AMZ1: variants seen among roughly 807,000 people sequenced by gnomAD.
AMZ1 encodes archaelysin family metallopeptidase 1.
In AMZ1, 39 loss-of-function variants were observed where a neutral mutation model predicts 29.9. That is an observed-to-expected ratio of 1.30 (90% CI 1.01 to 1.70). The LOEUF is 1.70. Among genes scored for constraint, AMZ1 ranks in the 40% most tolerant of loss-of-function variants. AMZ1 has a pLI of 0.00. For synonymous variants in AMZ1, 458 were observed against 304.0 expected, an observed-to-expected ratio of 1.51 and a Z score of -5.27; for missense variants, 1,041 against 680.6, an observed-to-expected ratio of 1.53 and a Z score of -5.89.
chr7:2,703,099 C>T lies in AMZ1; in HGVS notation c.472+210C>T, dbSNP rs116537521. 5.6e-4 allele frequency among the ~76,000 whole-genome samples: 86 copies of T among 152,330 alleles called. 1 individual carries two copies. The highest frequency in any genetic ancestry group is 1.9e-3 in the African/African-American group (81 of 41,586). On this transcript the variant is annotated intron_variant, in intron 3 of 6. Coordinates refer to ENST00000683327, the MANE Select transcript of AMZ1 (RefSeq NM_001384743.1). ...TGGGGACCTGACCATACAGCCAGTG[C>T]CCACAGGAAAACGCCAGAGCATGCA...
rs377334829 is a variant in AMZ1 at position 2,700,473 on chromosome 7, C to T, written c.22C>T (p.Gln8Ter). ...CACCATGCTGCAGTGTAGACCCGCA[C>T]AGGAGTTCAGCTTCGGGCCCCGGGC... MLQCRPA[Q>*]EFSFGPRALK... The change falls in exon 2 of 7, where the codon CAG becomes TAG. Residue 8 changes from glutamine (Q) to a stop codon, truncating the protein, a stop_gained. Transcript: ENST00000683327. LOFTEE classifies it high-confidence loss of function. The T allele has an allele frequency of 3.6e-5, 58 of 1,602,350 alleles. No individual in the cohort carries two copies. Among genetic ancestry groups the T allele is most frequent in the Non-Finnish European group, 4.8e-5 (57 of 1,179,850 alleles).
intron 1 of AMZ1, among the ~76,000 whole-genome samples, chr7:2,680,212 G>C (rs893380988): frequency 2.0e-5 from 3 of 152,140 alleles, no homozygotes; most frequent in African/African-American, 7.2e-5. Flanking sequence ...GTGGTTTCCT[G>C]GGATGGGAGG....
At chr7:2,752,721 AT>A (rs547184765) in intron 4 of AMZ1, among the ~76,000 whole-genome samples, 6 of 151,664 alleles carry the variant, frequency 4.0e-5, no homozygotes, top group African/African-American at 1.2e-4. Flanking sequence ...AGAAACGTGA[AT>A]TTTTTTTTGC....
intron 4 of AMZ1, among the ~76,000 whole-genome samples, chr7:2,742,808 T>G (rs923410064): frequency 1.3e-5 from 2 of 152,260 alleles, no homozygotes; most frequent in African/African-American, 4.8e-5. Flanking sequence ...AATGGCATCT[T>G]TAAACATTTC....
At chr7:2,708,211 C>T (rs1788484993) in intron 3 of AMZ1, among the ~76,000 whole-genome samples, 1 of 152,180 alleles carries the variant, frequency 6.6e-6, no homozygotes, top group African/African-American at 2.4e-5. Flanking sequence ...TCTGCAGCCC[C>T]TTTGGCTGTG....
At chr7:2,698,702 G>T (rs1042581484) in intron 1 of AMZ1, among the ~76,000 whole-genome samples, 9 of 152,168 alleles carry the variant, frequency 5.9e-5, no homozygotes, top group Admixed American at 5.2e-4. Flanking sequence ...GCAGGACATT[G>T]TACACACTTT....
intron 4 of AMZ1, among the ~76,000 whole-genome samples, chr7:2,743,358 C>T (rs1790603894): frequency 6.6e-6 from 1 of 152,108 alleles, no homozygotes; most frequent in Non-Finnish European, 1.5e-5. Flanking sequence ...CCATAATACC[C>T]AAGATATAAT....
In AMZ1 at chr7:2,700,313, G is replaced by A; in HGVS notation, c.-139G>A. Reference sequence around the variant, plus strand: ...CTGGGCCTTAAGGGCCCTTGGACCAGTGTCTGTCTGCAGGGAGCCCCCGGT... The same window carrying A: ...CTGGGCCTTAAGGGCCCTTGGACCAATGTCTGTCTGCAGGGAGCCCCCGGT... On this transcript the variant is annotated 5_prime_UTR_variant, in exon 2 of 7. It adds an upstream start codon to the 5' untranslated region. Coordinates refer to ENST00000683327, the MANE Select transcript of AMZ1 (RefSeq NM_001384743.1). The A allele has an allele frequency of 1.0e-6, 1 of 986,312 alleles. No homozygotes were observed. The allele number at this position is 986,312 out of a possible 1,614,324, so 61.1% of individuals were successfully genotyped here.
chr7:2,708,850 T>G lies in AMZ1; in HGVS notation c.601+134T>G, dbSNP rs996212590. 8 of 1,423,092 alleles carry G rather than the reference T, an allele frequency of 5.6e-6. No individual in the cohort carries two copies. The African/African-American group carries it at 7.1e-5, about 13-fold the overall frequency. The allele number at this position is 1,423,092 out of a possible 1,614,324, so 88.2% of individuals were successfully genotyped here. ...GGAAGTCAACACCTGTGCATGGGAA[T>G]AGATGGCCCCTTCCAGCTCCTCCTG... On this transcript the variant is annotated intron_variant, in intron 4 of 6. Transcript: ENST00000683327.
intron 2 of AMZ1, chr7:2,702,451 C>A: frequency 2.1e-6 from 1 of 478,720 alleles, no homozygotes; most frequent in Non-Finnish European, 3.7e-6. Flanking sequence ...CCTGGTGAGT[C>A]CCTGCCTGCT....
chr7:2,723,091 G>A (rs745644779), downstream of AMZ1, among the ~76,000 whole-genome samples: 2 of 152,212 alleles, frequency 1.3e-5, no homozygotes, highest in Non-Finnish European at 2.9e-5. Flanking sequence ...CAACCTGTGA[G>A]TGGTGTAGAA....
chr7:2,718,566 G>A lies in AMZ1; in HGVS notation c.*5688G>A, dbSNP rs568168660. Among the ~76,000 whole-genome samples the A allele has an allele frequency of 1.2e-4, 18 of 152,324 alleles. No individual in the cohort carries two copies. Among genetic ancestry groups the A allele is most frequent in the Admixed American group, 3.9e-4 (6 of 15,296 alleles). ...TGGCACGTGGACGAAGGTGATGAGC[G>A]CGGCTGACGGCTCCCGGGGGCAGTG... On this transcript the variant is annotated 3_prime_UTR_variant, in exon 7 of 7. Coordinates refer to ENST00000683327, the MANE Select transcript of AMZ1 (RefSeq NM_001384743.1).
At chr7:2,685,520 T>C (rs1787044247), upstream of AMZ1, among the ~76,000 whole-genome samples, 1 of 148,432 alleles carries the variant, frequency 6.7e-6, no homozygotes, top group Non-Finnish European at 1.5e-5. Context: ...ATCGCGCCAC[T>C]TGTACTCCAG....
At chr7:2,757,403 TGAG>T (rs1791356645) in intron 4 of AMZ1, among the ~76,000 whole-genome samples, 1 of 152,038 alleles carries the variant, frequency 6.6e-6, no homozygotes. Context: ...AGCCGTGTTA[TGAG>T]GAGGAGCCAC....
intron 3 of AMZ1, 92 bp from the exon 4 acceptor site, chr7:2,708,490 CCAGGCA>C (rs1161271149): frequency 4.5e-6 from 7 of 1,549,964 alleles, no homozygotes; most frequent in Non-Finnish European, 6.1e-6. Flanking sequence ...GGGGCAGGGC[CCAGGCA>C]GAGGAAGAGG....
chr7:2,711,246 C>T (rs1339455191), intron 6 of AMZ1, among the ~76,000 whole-genome samples: 1 of 152,182 alleles, frequency 6.6e-6, no homozygotes, highest in African/African-American at 2.4e-5. Flanking sequence ...GATGTGAGGT[C>T]ACCTGCTGTC....
intron 3 of AMZ1, among the ~76,000 whole-genome samples, chr7:2,703,964 T>C (rs957481512): frequency 6.6e-6 from 1 of 152,122 alleles, no homozygotes; most frequent in Non-Finnish European, 1.5e-5. Flanking sequence ...TCTCGGCTCA[T>C]GGCAAGCTCT....
chr7:2,763,748 T>C (rs1212189699), upstream of AMZ1, among the ~76,000 whole-genome samples: 1 of 152,152 alleles, frequency 6.6e-6, no homozygotes, highest in African/African-American at 2.4e-5. Flanking sequence ...CTGCACAAAA[T>C]GCCTCCCCCA....
intron 4 of AMZ1, among the ~76,000 whole-genome samples, chr7:2,725,881 T>TC (rs1383107380): frequency 1.3e-5 from 2 of 152,100 alleles, no homozygotes; most frequent in Admixed American, 1.3e-4. Flanking sequence ...TGCCAGACCC[T>TC]CCCCTGGTGC....
Sources: gnomAD v4.1 joint callset for allele counts (sites outside exome capture counted in the v4.1 genomes callset) on GRCh38, gnomAD v4.1.1 for gene constraint, MANE v1.5 for transcripts, NCBI Gene and HGNC (gene_info 2026-07-23, HGNC 2026-07-21) for gene names.